The following MTF2 variants were observed in gnomAD, a reference collection of about 807,000 sequenced individuals.
The protein encoded by MTF2 is metal response element binding transcription factor 2, also known as metal-response element-binding transcription factor 2.
Under a neutral mutation model 79.5 loss-of-function variants are expected in MTF2, and 11 were observed. The ratio of observed to expected loss-of-function variants is 0.14; its 90% CI spans 0.09 to 0.23. The LOEUF is 0.23. Among genes scored for constraint, MTF2 ranks in the 10% least tolerant of loss-of-function variants. MTF2 has a pLI of 1.00. For synonymous variants in MTF2, 208 were observed against 232.8 expected, an observed-to-expected ratio of 0.89 and a Z score of 0.97; for missense variants, 486 against 711.2, an observed-to-expected ratio of 0.68 and a Z score of 3.60.
chr1:93,085,530 A>G (rs1260432248), intron 1 of MTF2, among the ~76,000 whole-genome samples: 1 of 138,250 alleles, frequency 7.2e-6, no homozygotes, highest in Non-Finnish European at 1.5e-5. Flanking sequence ...TCTGTTGCCC[A>G]GGCTGGAGTG....
At chr1:93,081,086 A>G (rs1362283992) in intron 1 of MTF2, 2 of 152,206 alleles carry the variant, frequency 1.3e-5, no homozygotes, top group African/African-American at 2.4e-5. Flanking sequence ...CTGATACTAC[A>G]TTTATAATGT....
chr1:93,135,823 G>A (rs1432559816), intron 14 of MTF2, among the ~76,000 whole-genome samples: 1 of 152,144 alleles, frequency 6.6e-6, no homozygotes, highest in Non-Finnish European at 1.5e-5. Flanking sequence ...ACAAACAAAA[G>A]AGAACAATTT....
chr1:93,104,451 C>T (rs910173388), intron 1 of MTF2, among the ~76,000 whole-genome samples: 3 of 151,784 alleles, frequency 2.0e-5, no homozygotes, highest in East Asian at 2.0e-4. Context: ...GAGGCCGAGG[C>T]GGGTGGATCA....
At chr1:93,128,698 C>T (rs1271601057) in intron 10 of MTF2, 3 of 151,350 alleles carry the variant, frequency 2.0e-5, no homozygotes, top group Non-Finnish European at 4.4e-5. Flanking sequence ...AAAGAAAGGT[C>T]TAAGGAGCAT....
intron 6 of MTF2, among the ~76,000 whole-genome samples, chr1:93,117,368 C>T (rs941895925): frequency 6.6e-6 from 1 of 152,000 alleles, no homozygotes; most frequent in Non-Finnish European, 1.5e-5. Flanking sequence ...AGCCCTGTCT[C>T]TTAAAACAAA....
intron 1 of MTF2, among the ~76,000 whole-genome samples, chr1:93,109,308 A>G (rs1655931706): frequency 6.6e-6 from 1 of 151,258 alleles, no homozygotes; most frequent in Non-Finnish European, 1.5e-5. Flanking sequence ...TCCTTTAAGT[A>G]CTCTTATAGT....
At chr1:93,090,125 C>T (rs11164871) in intron 1 of MTF2, among the ~76,000 whole-genome samples, 75,017 of 151,946 alleles carry the variant, frequency 0.49, 22,070 homozygotes, top group South Asian at 0.68. Flanking sequence ...TACAGGCACC[C>T]GCCATCACGC....
intron 1 of MTF2, among the ~76,000 whole-genome samples, chr1:93,108,606 A>AT (rs35393630): frequency 0.1 from 10,823 of 103,326 alleles, 1,488 homozygotes; most frequent in African/African-American, 0.33. Context: ...TGCTTTCAAG[A>AT]TTTTTTTTTT....
At chr1:93,111,433 G>A (rs575647272) in intron 3 of MTF2, among the ~76,000 whole-genome samples, 1 of 152,224 alleles carries the variant, frequency 6.6e-6, no homozygotes, top group Admixed American at 6.5e-5. Context: ...CCTTGCCAAA[G>A]TATTTAACAA....
At chr1:93,092,672 A>G (rs1655119849) in intron 1 of MTF2, among the ~76,000 whole-genome samples, 1 of 152,194 alleles carries the variant, frequency 6.6e-6, no homozygotes, top group South Asian at 2.1e-4. Flanking sequence ...TCTCTGTAAC[A>G]TAATGTTAGA....
At chr1:93,086,632 A>G (rs1654851536) in intron 1 of MTF2, among the ~76,000 whole-genome samples, 2 of 152,150 alleles carry the variant, frequency 1.3e-5, no homozygotes, top group Non-Finnish European at 2.9e-5. Context: ...TTGAGATGCA[A>G]AGACATATTC....
chr1:93,098,487 G>GTA (rs1345499497), intron 1 of MTF2, among the ~76,000 whole-genome samples: 3 of 152,222 alleles, frequency 2.0e-5, no homozygotes, highest in Middle Eastern at 3.4e-3. Context: ...AGCAGGCATT[G>GTA]TATATTTGTT....
intron 1 of MTF2, among the ~76,000 whole-genome samples, chr1:93,099,483 C>T (rs1184226144): frequency 6.6e-6 from 1 of 152,064 alleles, no homozygotes; most frequent in Non-Finnish European, 1.5e-5. Flanking sequence ...AGAGTGGCAT[C>T]AGATTTTTCA....
intron 11 of MTF2, 101 bp from the exon 12 acceptor site, chr1:93,133,600 TAA>T: frequency 2.0e-6 from 1 of 488,322 alleles, no homozygotes; most frequent in Non-Finnish European, 3.2e-6. Context: ...ACCATTAATA[TAA>T]AATAATAAAA....
intron 7 of MTF2, among the ~76,000 whole-genome samples, chr1:93,118,654 A>G (rs1656347864): frequency 6.6e-6 from 1 of 152,152 alleles, no homozygotes; most frequent in African/African-American, 2.4e-5. Flanking sequence ...CAGTGATTAC[A>G]TTTGCTCCTA....
intron 9 of MTF2, among the ~76,000 whole-genome samples, chr1:93,123,551 G>T (rs1157740476): frequency 1.3e-5 from 2 of 151,800 alleles, no homozygotes; most frequent in African/African-American, 4.8e-5. Flanking sequence ...GATTTTTTAT[G>T]GCATTTTGCG....
At chr1:93,115,749 A>T (rs1557553671) in intron 6 of MTF2, 131 bp downstream of exon 6, 1 of 611,316 alleles carries the variant, frequency 1.6e-6, no homozygotes. Context: ...CCAGGGGGAA[A>T]ATCTATTATT....
At chr1:93,121,454 C>T in intron 9 of MTF2, 1 of 956,934 alleles carries the variant, frequency 1.0e-6, no homozygotes, top group Non-Finnish European at 1.2e-6. Flanking sequence ...CTTAGTCATG[C>T]TTTTTTTTAG....
intron 9 of MTF2, among the ~76,000 whole-genome samples, chr1:93,125,751 A>G (rs143276083): frequency 3.3e-5 from 5 of 152,180 alleles, no homozygotes; most frequent in Non-Finnish European, 5.9e-5. Context: ...GAAGCTTAAT[A>G]TGAAGTAACC....
Sources: allele counts gnomAD v4.1 joint callset (sites outside exome capture counted in the v4.1 genomes callset), GRCh38; gene constraint gnomAD v4.1.1; transcripts MANE v1.5; gene names NCBI Gene and HGNC (gene_info 2026-07-23, HGNC 2026-07-21).